The following CNTN4 variants were observed in gnomAD, a reference collection of about 807,000 sequenced individuals.
CNTN4 encodes the protein contactin 4.
A neutral mutation model predicts 122.5 loss-of-function variants in CNTN4; 77 were observed. The ratio of observed to expected loss-of-function variants is 0.63; its 90% CI spans 0.52 to 0.76. CNTN4 has a LOEUF of 0.76. CNTN4 is among the 30% of genes least tolerant of loss of function. The pLI is 0.00. For synonymous variants in CNTN4, 512 were observed against 447.0 expected (o/e 1.15, Z -1.83); for missense variants, 1,256 against 1,259.1 (o/e 1.00, Z 0.04).
chr3:2,398,146 A>G (rs939483169), intron 3 of CNTN4, among the ~76,000 whole-genome samples: 5 of 152,178 alleles, frequency 3.3e-5, no homozygotes, highest in South Asian at 2.1e-4. Context: ...AAGGTGTGAT[A>G]TATTAGCATT....
At chr3:3,042,517 C>A in intron 21 of CNTN4, 95 bp downstream of exon 21, 1 of 814,040 alleles carries the variant, frequency 1.2e-6, no homozygotes, top group Non-Finnish European at 2.1e-6. Context: ...ACCCACATTC[C>A]CACTAAGAGG....
Position 2,120,398 on chromosome 3 carries a change from TATA to T in CNTN4, c.-145+19760_-145+19762del, listed in dbSNP as rs1178684263. Among the ~76,000 whole-genome samples the T allele has an allele frequency of 1.5e-3, 48 of 32,054 alleles. 1 individual carries two copies. The highest frequency in any genetic ancestry group is 0.012 in the South Asian group (12 of 996). The allele number at this position is 32,054 out of a possible 152,430, so 21.0% of individuals were successfully genotyped here. A position where few individuals can be genotyped will look rare whatever the true frequency, so the allele number is the denominator to read the frequency against. On this transcript the variant is annotated intron_variant, in intron 2 of 24. Transcript: ENST00000418658. ...AAATATATATATATATATATATATA[TATA>T]TATATTTTTTTTTTTTTTTTTATGC...
At chr3:2,671,585 C>G (rs2084517445) in intron 4 of CNTN4, among the ~76,000 whole-genome samples, 1 of 152,038 alleles carries the variant, frequency 6.6e-6, no homozygotes, top group African/African-American at 2.4e-5. Flanking sequence ...CTTCTTCTCT[C>G]AACTCATCAA....
chr3:2,147,707 T>G (rs1246350153), intron 2 of CNTN4, among the ~76,000 whole-genome samples: 1 of 152,208 alleles, frequency 6.6e-6, no homozygotes, highest in Non-Finnish European at 1.5e-5. Context: ...CTCCTCAGCC[T>G]GAATTGAGGC....
At chr3:2,516,251 C>T (rs1056900818) in intron 3 of CNTN4, among the ~76,000 whole-genome samples, 1 of 151,938 alleles carries the variant, frequency 6.6e-6, no homozygotes, top group African/African-American at 2.4e-5. Context: ...GATATCCTGG[C>T]TTTTTAGGCA....
At chr3:2,980,499 A>T (rs1475298269) in intron 13 of CNTN4, among the ~76,000 whole-genome samples, 2 of 152,206 alleles carry the variant, frequency 1.3e-5, no homozygotes, top group Non-Finnish European at 2.9e-5. Flanking sequence ...GTCAGTCAGT[A>T]GTCTAAATTG....
intron 2 of CNTN4, among the ~76,000 whole-genome samples, chr3:2,256,178 C>T (rs867120176): frequency 3.7e-4 from 56 of 152,200 alleles, no homozygotes; most frequent in Middle Eastern, 3.4e-3. Context: ...TGCAAATAAA[C>T]GAGAAAATCT....
intron 2 of CNTN4, among the ~76,000 whole-genome samples, chr3:2,183,593 C>G (rs576174422): frequency 6.6e-6 from 1 of 152,018 alleles, no homozygotes; most frequent in African/African-American, 2.4e-5. Context: ...CTCTGTTAGG[C>G]GAGAGACAAT....
intron 12 of CNTN4, among the ~76,000 whole-genome samples, chr3:2,917,390 A>T (rs1461020780): frequency 6.7e-6 from 1 of 148,518 alleles, no homozygotes; most frequent in Non-Finnish European, 1.5e-5. Flanking sequence ...ACCACAATTT[A>T]AAAAATAGAA....
Position 2,148,360 on chromosome 3 carries a change from C to A in CNTN4, c.-145+47721C>A, listed in dbSNP as rs886159081. On this transcript the variant is annotated intron_variant, in intron 2 of 24. Coordinates refer to ENST00000418658, the MANE Select transcript of CNTN4 (RefSeq NM_175607.3). Reference sequence around the variant, plus strand: ...AGTAGCCTGGGCATTATAGGGGTACCCTGTCTCTACAGAAAATAAAAAAAA... The same window carrying A: ...AGTAGCCTGGGCATTATAGGGGTACACTGTCTCTACAGAAAATAAAAAAAA... Among the ~76,000 whole-genome samples the A allele has an allele frequency of 7.3e-5, 11 of 151,694 alleles. No homozygotes were observed. The East Asian group carries it at 2.1e-3, about 30-fold the overall frequency.
At chr3:2,165,197 C>T (rs2036143642) in intron 2 of CNTN4, among the ~76,000 whole-genome samples, 2 of 152,020 alleles carry the variant, frequency 1.3e-5, no homozygotes, top group African/African-American at 4.8e-5. Flanking sequence ...ATGGCGGGCT[C>T]CTGTAATCCC....
At chr3:2,659,550 G>GTCTGCA (rs1380907777) in intron 4 of CNTN4, among the ~76,000 whole-genome samples, 4 of 151,188 alleles carry the variant, frequency 2.6e-5, no homozygotes, top group Non-Finnish European at 4.4e-5. Context: ...TATTACCCTA[G>GTCTGCA]TCTGCAGTGA....
intron 23 of CNTN4, among the ~76,000 whole-genome samples, chr3:3,052,903 A>C (rs1443983061): frequency 2.0e-5 from 3 of 152,194 alleles, no homozygotes; most frequent in Non-Finnish European, 4.4e-5. Context: ...CGTGATCATA[A>C]CTTATTGTGC....
intron 7 of CNTN4, among the ~76,000 whole-genome samples, chr3:2,843,084 A>G (rs553098089): frequency 6.6e-6 from 1 of 152,142 alleles, no homozygotes; most frequent in South Asian, 2.1e-4. Flanking sequence ...TTTCCTGCTC[A>G]TCTTCTCACG....
chr3:2,417,741 C>T (rs1266307064), intron 3 of CNTN4, among the ~76,000 whole-genome samples: 1 of 152,108 alleles, frequency 6.6e-6, no homozygotes, highest in East Asian at 1.9e-4. Context: ...AGATGTCCTT[C>T]AGTAGATGAA....
chr3:2,496,505 A>C (rs891799280), intron 3 of CNTN4, among the ~76,000 whole-genome samples: 2 of 152,176 alleles, frequency 1.3e-5, no homozygotes, highest in African/African-American at 4.8e-5. Context: ...GTAGAGTGCT[A>C]ATAATTCACC....
chr3:2,837,056 CT>C (rs1488379094), intron 7 of CNTN4, among the ~76,000 whole-genome samples: 1 of 152,086 alleles, frequency 6.6e-6, no homozygotes, highest in Non-Finnish European at 1.5e-5. Flanking sequence ...ATGATTTCTA[CT>C]TTTGTTATTT....
intron 6 of CNTN4, among the ~76,000 whole-genome samples, chr3:2,786,546 T>C (rs1455726590): frequency 6.6e-6 from 1 of 152,184 alleles, no homozygotes; most frequent in Non-Finnish European, 1.5e-5. Context: ...AACTGCCCCA[T>C]TTCAATTTGA....
intron 6 of CNTN4, among the ~76,000 whole-genome samples, chr3:2,760,126 G>A (rs570732027): frequency 5.3e-5 from 8 of 152,082 alleles, no homozygotes; most frequent in Non-Finnish European, 1.2e-4. Flanking sequence ...TATTTACTGG[G>A]TTGTATTTTC....
Sources: allele counts gnomAD v4.1 joint callset (sites outside exome capture counted in the v4.1 genomes callset), GRCh38; gene constraint gnomAD v4.1.1; transcripts MANE v1.5; gene names NCBI Gene and HGNC (gene_info 2026-07-23, HGNC 2026-07-21).